ZNF84: variants seen among roughly 807,000 people sequenced by gnomAD.
ZNF84 encodes zinc finger protein HPF2.
ZNF84 carries 12 observed loss-of-function variants against 14.8 expected under a neutral mutation model. The observed-to-expected ratio is 0.81, with a 90% confidence interval of 0.52 to 1.31. ZNF84 has a LOEUF of 1.31. Ranked by LOEUF, ZNF84 falls within the 50% of genes most tolerant of loss-of-function variation. ZNF84 has a pLI of 0.00. For synonymous variants in ZNF84, 347 were observed against 291.1 expected (o/e 1.19, Z -1.96); for missense variants, 859 against 878.6 (o/e 0.98, Z 0.28).
Position 133,058,833 on chromosome 12 carries a change from A to G in ZNF84, c.2118A>G (p.Thr706=), listed in dbSNP as rs1954208261. The G allele has an allele frequency of 4.3e-6, 7 of 1,614,096 alleles. No homozygotes were observed. In the Admixed American group the frequency reaches 1.2e-4, roughly 27 times the overall value. ...TGGTTAATCATCAGAGAATTCATAC[A>G]GGAGAGAAGCCTTATCGATGCATTG... ...SQLVNHQRIH[T]GEKPYRCIEC... is the part of the protein sequence containing the mutation. Residue 706 remains threonine (T), a synonymous_variant, in exon 5 of 5, where the codon ACA becomes ACG. Coordinates refer to ENST00000539354, the MANE Select transcript of ZNF84 (RefSeq NM_001289971.2).
At chr12:133,041,848 G>C (rs1953894237) in intron 2 of ZNF84, among the ~76,000 whole-genome samples, 1 of 152,156 alleles carries the variant, frequency 6.6e-6, no homozygotes, top group Non-Finnish European at 1.5e-5. Context: ...TTGGTTATCG[G>C]GTGTCCATTT....
Position 133,061,585 on chromosome 12 carries a change from C to T in ZNF84, c.*2653C>T, listed in dbSNP as rs1461672735. Reference sequence around the variant, plus strand: ...TGATGTTGTACTTTGTGATTTTTGCCCTATTTTTTCTTTCCATCTATCACC... The same window carrying T: ...TGATGTTGTACTTTGTGATTTTTGCTCTATTTTTTCTTTCCATCTATCACC... On this transcript the variant is annotated 3_prime_UTR_variant, in exon 5 of 5. Coordinates refer to ENST00000539354, the MANE Select transcript of ZNF84 (RefSeq NM_001289971.2). 1 of 152,000 alleles carries T rather than the reference C, an allele frequency of 6.6e-6. No homozygotes were observed. Among genetic ancestry groups the T allele is most frequent in the African/African-American group, 2.4e-5 (1 of 41,382 alleles). The allele number at this position is 152,000 out of a possible 1,614,324, so 9.4% of individuals were successfully genotyped here. A position where few individuals can be genotyped will look rare whatever the true frequency, so the allele number is the denominator to read the frequency against.
Position 133,058,360 on chromosome 12 carries a change from G to A in ZNF84, c.1645G>A (p.Gly549Arg), listed in dbSNP as rs1593714879. 7.4e-6 allele frequency: 12 copies of A among 1,613,620 alleles called. No homozygotes were observed. In the East Asian group the frequency reaches 2.5e-4, roughly 33 times the overall value. ...GEKPYECSEC[G>R]KAFGEKSSLA... ...GAAACCCTATGAATGCAGTGAATGTGGGAAGGCCTTTGGTGAGAAGTCAAG... is the reference window on the plus strand; with the variant it reads ...GAAACCCTATGAATGCAGTGAATGTAGGAAGGCCTTTGGTGAGAAGTCAAG... Residue 549 changes from glycine to arginine, a missense_variant, in exon 5 of 5, where the codon GGG (glycine) becomes AGG (arginine). Transcript: ENST00000539354.
At chr12:133,054,134 T>C (rs1954113292) in intron 4 of ZNF84, among the ~76,000 whole-genome samples, 1 of 152,010 alleles carries the variant, frequency 6.6e-6, no homozygotes, top group Non-Finnish European at 1.5e-5. Context: ...AGTCTCTTAC[T>C]GGTTTGGGAG....
chr12:133,051,881 G>A (rs1954075811), intron 4 of ZNF84, among the ~76,000 whole-genome samples: 1 of 152,160 alleles, frequency 6.6e-6, no homozygotes. Context: ...TGGTCCTGAT[G>A]CTCTTTTCTA....
chr12:133,052,453 C>T (rs1004483078), intron 4 of ZNF84, among the ~76,000 whole-genome samples: 1 of 152,118 alleles, frequency 6.6e-6, no homozygotes, highest in Non-Finnish European at 1.5e-5. Context: ...GTGATCCCCC[C>T]AAGCAGCTGG....
Position 133,058,172 on chromosome 12 carries a change from C to G in ZNF84, c.1457C>G (p.Pro486Arg). 6.2e-7 allele frequency: 1 copy of G among 1,613,962 alleles called. No individual in the cohort carries two copies. Among genetic ancestry groups the G allele is most frequent in the African/African-American group, 1.3e-5 (1 of 75,026 alleles). Residue 486 changes from proline (P) to arginine (R), a missense_variant, in exon 5 of 5, where the codon CCG becomes CGG. By Grantham distance (103) the Pro-to-Arg change is moderately radical (BLOSUM62 -2). Transcript: ENST00000539354. The stretch of plus-strand genomic sequence containing the variant: ...CAGAGAACTCATACGGGAGAAAAAC[C>G]GTATGAATGCAGTGAGTGTGGGAAA... ...RHQRTHTGEK[P>R]YECSECGKAF...
At chr12:133,049,449 A>G (rs1954037840) in intron 4 of ZNF84, among the ~76,000 whole-genome samples, 1 of 152,010 alleles carries the variant, frequency 6.6e-6, no homozygotes. Flanking sequence ...TAGATTAGAC[A>G]CCATGAAGTA....
chr12:133,058,861 T>C lies in ZNF84; in HGVS notation c.2146T>C (p.Cys716Arg). 1.2e-6 allele frequency: 2 copies of C among 1,613,764 alleles called. No homozygotes were observed. Among genetic ancestry groups the C allele is most frequent in the Non-Finnish European group, 1.7e-6 (2 of 1,179,864 alleles). The change falls in exon 5 of 5, where the codon TGT (cysteine) becomes CGT (arginine). Residue 716 changes from cysteine (C) to arginine (R), a missense_variant. By Grantham distance (180) the Cys-to-Arg change is radical. Coordinates refer to ENST00000539354, the MANE Select transcript of ZNF84 (RefSeq NM_001289971.2). ...TGEKPYRCIE[C>R]GKAFSQKSQL... ...AGAGAAGCCTTATCGATGCATTGAA[T>C]GTGGGAAAGCTTTCTCACAGAAGTC...
At chr12:133,044,062 T>G (rs1167185570) in intron 2 of ZNF84, among the ~76,000 whole-genome samples, 2 of 152,132 alleles carry the variant, frequency 1.3e-5, no homozygotes, top group East Asian at 3.9e-4. Flanking sequence ...AGGAATTTCT[T>G]AAGCTTACTT....
At position 133,062,430 on chromosome 12, in the gene ZNF84, C is replaced by T. The variant is rs1355465043; in HGVS notation, c.*3498C>T. 1 of 152,228 alleles carries T rather than the reference C, an allele frequency of 6.6e-6. No homozygotes were observed. Among genetic ancestry groups the T allele is most frequent in the Non-Finnish European group, 1.5e-5 (1 of 68,050 alleles). 9.4% of individuals were successfully genotyped at this position (152,228 alleles called of 1,614,324 possible). ...ATCTACAGCAGTAGGCATTTGGAAT[C>T]TGCATTTGAGACCTCTGCAGTCATT... On this transcript the variant is annotated 3_prime_UTR_variant, in exon 5 of 5. Coordinates refer to ENST00000539354, the MANE Select transcript of ZNF84 (RefSeq NM_001289971.2).
intron 4 of ZNF84, among the ~76,000 whole-genome samples, chr12:133,056,127 A>T (rs1190710136): frequency 6.6e-6 from 1 of 152,172 alleles, no homozygotes; most frequent in Non-Finnish European, 1.5e-5. Flanking sequence ...TGAAATGACT[A>T]ATCATTCTTT....
chr12:133,047,919 A>G, intron 2 of ZNF84, 36 bp from the exon 3 acceptor site: 1 of 1,611,898 alleles, frequency 6.2e-7, no homozygotes, highest in Non-Finnish European at 8.5e-7. Context: ...ATACGGTGTT[A>G]ACTGCTTCAG....
intron 4 of ZNF84, among the ~76,000 whole-genome samples, chr12:133,055,843 A>G (rs1185171166): frequency 1.8e-4 from 27 of 152,308 alleles, no homozygotes; most frequent in African/African-American, 6.5e-4. Flanking sequence ...TCACACCTGT[A>G]ACCCAGAACT....
rs1387421371 is a variant in ZNF84, at chr12:133,058,672, A to T, written c.1957A>T (p.Lys653Ter). 1.2e-6 allele frequency: 2 copies of T among 1,614,124 alleles called. No homozygotes were observed. The highest frequency in any genetic ancestry group is 1.7e-6 in the Non-Finnish European group (2 of 1,180,006). ...INHQRIHTGE[K>*]PFECSECGKA... ...TCATCAGAGAATACATACAGGAGAG[A>T]AGCCTTTTGAATGCAGTGAGTGTGG... The change falls in exon 5 of 5, where the codon AAG becomes TAG. Residue 653 changes from lysine (K) to a stop codon, truncating the protein, a stop_gained. Coordinates refer to ENST00000539354, the MANE Select transcript of ZNF84 (RefSeq NM_001289971.2). LOFTEE classifies it low-confidence loss of function (END_TRUNC).
Position 133,048,789 on chromosome 12 carries a change from TG to T in ZNF84, c.181del (p.Glu61SerfsTer8). The T allele has an allele frequency of 6.2e-7, 1 of 1,613,850 alleles. No individual in the cohort carries two copies. Among genetic ancestry groups the T allele is most frequent in the Non-Finnish European group, 8.5e-7 (1 of 1,179,876 alleles). On this transcript the variant is annotated frameshift_variant, in exon 4 of 5. Transcript: ENST00000539354. LOFTEE classifies it high-confidence loss of function. ...EVMKPDVIFK[L>X]EQGEEPWVGD... The stretch of plus-strand genomic sequence containing the variant: ...ATGAAACCAGATGTCATCTTCAAAT[TG>T]GAGCAAGGAGAAGAGCCGTGGGTAG...
At position 133,041,000 on chromosome 12, in the gene ZNF84, A is replaced by C. The variant is rs7977976; in HGVS notation, c.-190-278A>C. The C allele has an allele frequency of 8.4e-3, 1,327 of 158,890 alleles. 20 individuals are homozygous for C. Among genetic ancestry groups the C allele is most frequent in the African/African-American group, 0.03 (1,267 of 41,806 alleles). 9.8% of individuals were successfully genotyped at this position (158,890 alleles called of 1,614,324 possible). Reference sequence around the variant, plus strand: ...AGATCATATAAACTGTGTTTTTCCTAACAGCACCTGTTAAACTGATTTGCA... The same window carrying C: ...AGATCATATAAACTGTGTTTTTCCTCACAGCACCTGTTAAACTGATTTGCA... On this transcript the variant is annotated intron_variant, in intron 1 of 4. Coordinates refer to ENST00000539354, the MANE Select transcript of ZNF84 (RefSeq NM_001289971.2).
chr12:133,043,745 TA>T (rs1453129010), intron 2 of ZNF84, among the ~76,000 whole-genome samples: 3 of 152,002 alleles, frequency 2.0e-5, no homozygotes, highest in Non-Finnish European at 4.4e-5. Flanking sequence ...TACGGGAACT[TA>T]TTTTTTTAAT....
intron 1 of ZNF84, among the ~76,000 whole-genome samples, chr12:133,039,963 C>G: frequency 6.6e-6 from 1 of 151,816 alleles, no homozygotes; most frequent in Non-Finnish European, 1.5e-5. Flanking sequence ...TCTGCCTCAG[C>G]CTCCCAAGTA....
Sources: allele counts gnomAD v4.1 joint callset (sites outside exome capture counted in the v4.1 genomes callset), GRCh38; gene constraint gnomAD v4.1.1; transcripts MANE v1.5; gene names NCBI Gene and HGNC (gene_info 2026-07-23, HGNC 2026-07-21).